SPON1: variants seen among roughly 807,000 people sequenced by gnomAD.
SPON1 encodes spondin-1.
A neutral mutation model predicts 111.7 loss-of-function variants in SPON1; 52 were observed. That is an observed-to-expected ratio of 0.47 (90% CI 0.37 to 0.59). The LOEUF (loss-of-function observed/expected upper bound fraction) is 0.59, where lower values mean the gene tolerates loss of function less well. Ranked by LOEUF, SPON1 falls within the 20% of genes least tolerant of loss-of-function variation. The pLI is 0.00. For synonymous variants in SPON1, 410 were observed against 395.8 expected (o/e 1.04, Z -0.43); for missense variants, 957 against 1,068.5 (o/e 0.90, Z 1.46).
At chr11:14,104,825 C>A (rs1036900797) in intron 5 of SPON1, among the ~76,000 whole-genome samples, 1 of 152,028 alleles carries the variant, frequency 6.6e-6, no homozygotes, top group African/African-American at 2.4e-5. Flanking sequence ...GACCAAATTT[C>A]TTAAGACTGA....
chr11:14,241,130 C>G (rs74330434), intron 6 of SPON1, among the ~76,000 whole-genome samples: 1,638 of 152,274 alleles, frequency 0.011, 40 homozygotes, highest in African/African-American at 0.038. Flanking sequence ...GAAAGATACA[C>G]ACCATGCTGT....
In SPON1 at chr11:14,111,973, A is replaced by G. The variant is rs1194461115; in HGVS notation, c.677-23447A>G. On this transcript the variant is annotated intron_variant, in intron 5 of 15. Coordinates refer to ENST00000576479, the MANE Select transcript of SPON1 (RefSeq NM_006108.4). ...TGTTAGCTTGAGTTCTGAACACTCA[A>G]CACTTGGAAAGAACCTCATACCACC... is the stretch of plus-strand genomic sequence containing the variant. Among the ~76,000 whole-genome samples the G allele has an allele frequency of 2.6e-5, 4 of 152,272 alleles. No individual in the cohort carries two copies. The East Asian group carries it at 7.7e-4, about 29-fold the overall frequency.
In SPON1 at chr11:14,266,830, G is replaced by A. The variant is rs1849276219; in HGVS notation, c.*1143G>A. ...TTCTGGTGGAAAGTCAAACCTGTCAGTGCTCCACACCAGGGCTGTGGTCCT... is the reference window on the plus strand; with the variant it reads ...TTCTGGTGGAAAGTCAAACCTGTCAATGCTCCACACCAGGGCTGTGGTCCT... On this transcript the variant is annotated 3_prime_UTR_variant, in exon 16 of 16. Transcript: ENST00000576479. 1 of 152,116 alleles carries A rather than the reference G, an allele frequency of 6.6e-6. No individual in the cohort carries two copies. Among genetic ancestry groups the A allele is most frequent in the Non-Finnish European group, 1.5e-5 (1 of 68,042 alleles). 9.4% of individuals were successfully genotyped at this position (152,116 alleles called of 1,614,324 possible). A position where few individuals can be genotyped will look rare whatever the true frequency, so the allele number is the denominator to read the frequency against.
intron 3 of SPON1, among the ~76,000 whole-genome samples, chr11:14,043,699 C>T (rs1296081171): frequency 6.6e-6 from 1 of 152,204 alleles, no homozygotes; most frequent in African/African-American, 2.4e-5. Context: ...ATCCCTCTGG[C>T]CCAGATCTCT....
chr11:14,177,972 A>G (rs1848195908), intron 6 of SPON1, among the ~76,000 whole-genome samples: 1 of 152,064 alleles, frequency 6.6e-6, no homozygotes, highest in African/African-American at 2.4e-5. Context: ...ATTCCTGTTC[A>G]AAGTACTTGT....
intron 6 of SPON1, among the ~76,000 whole-genome samples, chr11:14,232,776 A>T (rs1489282262): frequency 6.6e-6 from 1 of 152,190 alleles, no homozygotes; most frequent in Non-Finnish European, 1.5e-5. Context: ...CCGACTTCTC[A>T]AAAAGCGCTG....
chr11:14,082,006 G>A (rs1476772420), intron 5 of SPON1, among the ~76,000 whole-genome samples: 2 of 152,094 alleles, frequency 1.3e-5, no homozygotes, highest in African/African-American at 4.8e-5. Context: ...TGGACTCTCT[G>A]CCTGGGGGAA....
chr11:13,989,648 T>C (rs899242651), intron 2 of SPON1, among the ~76,000 whole-genome samples: 1 of 152,212 alleles, frequency 6.6e-6, no homozygotes, highest in Admixed American at 6.5e-5. Context: ...AGGGTGTCAA[T>C]TTTAGATCTT....
intron 6 of SPON1, among the ~76,000 whole-genome samples, chr11:14,238,411 G>A (rs922938152): frequency 6.6e-6 from 1 of 152,188 alleles, no homozygotes; most frequent in Non-Finnish European, 1.5e-5. Context: ...GCAGGGGGAT[G>A]TGACAGACTC....
chr11:14,172,719 C>T (rs1554932635), intron 6 of SPON1, among the ~76,000 whole-genome samples: 1 of 151,822 alleles, frequency 6.6e-6, no homozygotes, highest in African/African-American at 2.4e-5. Flanking sequence ...ATTTGCTTGT[C>T]TGTAAAGTAT....
intron 5 of SPON1, among the ~76,000 whole-genome samples, chr11:14,134,042 C>CTTTTTTTTT (rs5789824): frequency 2.1e-5 from 3 of 142,010 alleles, no homozygotes; most frequent in Non-Finnish European, 3.1e-5. Context: ...TTCTTTCTTT[C>CTTTTTTTTT]TTTTTTTTTT....
chr11:14,240,893 T>G (rs529169002), intron 6 of SPON1, among the ~76,000 whole-genome samples: 1 of 152,160 alleles, frequency 6.6e-6, no homozygotes, highest in Non-Finnish European at 1.5e-5. Context: ...TTTGAAGATA[T>G]CCAACACTTT....
intron 1 of SPON1, among the ~76,000 whole-genome samples, chr11:13,976,366 A>T (rs1375364558): frequency 6.6e-6 from 1 of 152,238 alleles, no homozygotes; most frequent in East Asian, 1.9e-4. Flanking sequence ...GGGACTCAGA[A>T]CACACTGCAC....
chr11:14,027,577 T>G (rs1288252503), intron 2 of SPON1, among the ~76,000 whole-genome samples: 1 of 152,230 alleles, frequency 6.6e-6, no homozygotes, highest in Non-Finnish European at 1.5e-5. Context: ...CTTTGCTAAA[T>G]GAAATCAAAC....
intron 6 of SPON1, among the ~76,000 whole-genome samples, chr11:14,232,052 G>A (rs534536591): frequency 6.6e-6 from 1 of 152,048 alleles, no homozygotes; most frequent in South Asian, 2.1e-4. Context: ...CCTTATTTCA[G>A]TATGTGAGGT....
In SPON1 at chr11:14,260,672, G is replaced by A. The variant is rs782066172; in HGVS notation, c.1916G>A (p.Arg639Gln). 1.4e-5 allele frequency: 23 copies of A among 1,613,970 alleles called. No homozygotes were observed. Among genetic ancestry groups the A allele is most frequent in the East Asian group, 6.7e-5 (3 of 44,882 alleles). ...TCGKGMRTRQ[R>Q]MLKSLAELGD... ...GGGAAGGGCATGCGAACCCGACAGC[G>A]GATGCTCAAGTCTCTGGCAGAACTT... Residue 639 changes from arginine to glutamine, a missense_variant, in exon 14 of 16, where the codon CGG (arginine) becomes CAG (glutamine). Physicochemically the swap from Arg to Gln is conservative, Grantham distance 43. This residue lies in a region of SPON1 where 549 missense variants were observed against 606.2 expected (regional missense o/e 0.91). Coordinates refer to ENST00000576479, the MANE Select transcript of SPON1 (RefSeq NM_006108.4).
At chr11:14,237,608 C>T (rs1430719548) in intron 6 of SPON1, among the ~76,000 whole-genome samples, 1 of 152,240 alleles carries the variant, frequency 6.6e-6, no homozygotes, top group African/African-American at 2.4e-5. Flanking sequence ...CTGTAAGAAA[C>T]AAGCTGTTGA....
At chr11:14,015,686 A>G (rs1554914230) in intron 2 of SPON1, among the ~76,000 whole-genome samples, 1 of 152,246 alleles carries the variant, frequency 6.6e-6, no homozygotes, top group African/African-American at 2.4e-5. Context: ...ATTTAAACTC[A>G]GTAACAAAGC....
At chr11:14,046,276 A>T (rs372263608) in intron 3 of SPON1, among the ~76,000 whole-genome samples, 1 of 152,192 alleles carries the variant, frequency 6.6e-6, no homozygotes, top group East Asian at 1.9e-4. Context: ...TCCTTTCTCT[A>T]ATTCCTTGTG....
Sources: allele counts gnomAD v4.1 joint callset (sites outside exome capture counted in the v4.1 genomes callset), GRCh38; gene constraint gnomAD v4.1.1; regional missense constraint gnomAD v4.1.1; transcripts MANE v1.5; gene names NCBI Gene and HGNC (gene_info 2026-07-23, HGNC 2026-07-21).